Variants in TUT4 observed in about 807,000 individuals in gnomAD.
TUT4 encodes terminal uridylyltransferase 4.
TUT4 carries 36 observed loss-of-function variants against 192.2 expected under a neutral mutation model. That is an observed-to-expected ratio of 0.19 (90% CI 0.14 to 0.25). The LOEUF (loss-of-function observed/expected upper bound fraction) is 0.25, where lower values mean the gene tolerates loss of function less well. Among genes scored for constraint, TUT4 ranks in the 10% least tolerant of loss-of-function variants. TUT4 has a pLI of 1.00. For missense variants in TUT4, 1,493 were observed against 1,957.2 expected (o/e 0.76, Z 4.47); for synonymous variants, 618 against 666.0 (o/e 0.93, Z 1.11).
At chr1:52,457,752 G>A (rs533921473) in intron 20 of TUT4, among the ~76,000 whole-genome samples, 84 of 152,284 alleles carry the variant, frequency 5.5e-4, no homozygotes, top group African/African-American at 2.0e-3. Flanking sequence ...CAATTTCAGA[G>A]AGTATAAATT....
intron 1 of TUT4, among the ~76,000 whole-genome samples, chr1:52,545,842 C>A (rs1687926132): frequency 6.6e-6 from 1 of 151,840 alleles, no homozygotes; most frequent in South Asian, 2.1e-4. Flanking sequence ...TAATAATAGG[C>A]CAGGCGCGAT....
rs749698793 is a variant in TUT4 at position 52,446,348 on chromosome 1, T to C, written c.3608A>G (p.Lys1203Arg). 2.5e-6 allele frequency: 4 copies of C among 1,613,996 alleles called. No individual in the cohort carries two copies. In the Admixed American group the frequency reaches 6.7e-5, roughly 27 times the overall value. Reference protein sequence around the residue: ...LRFYTEEFDFKEYVISIRQKK... With the variant: ...LRFYTEEFDFREYVISIRQKK... ...CTGCCGAATGCTAATTACATATTCC[T>C]TGAAATCAAACTCTTCAGTATAGAA... Residue 1203 changes from lysine to arginine, a missense_variant, in exon 22 of 30, where the codon AAG (lysine) becomes AGG (arginine). Physicochemically the swap from Lys to Arg is conservative, Grantham distance 26 (BLOSUM62 2). Around this residue, in one of 7 missense-constraint regions of TUT4, gnomAD observed 141 missense variants for 382.7 expected, o/e 0.37. Transcript: ENST00000257177.
At chr1:52,521,701 C>T (rs1252553208) in intron 2 of TUT4, among the ~76,000 whole-genome samples, 1 of 151,664 alleles carries the variant, frequency 6.6e-6, no homozygotes, top group Non-Finnish European at 1.5e-5. Context: ...CACAGTGGCT[C>T]ACGCCTGTAA....
rs114101502 is a variant in TUT4, at chr1:52,459,928, G to C, written c.3321+1206C>G. On this transcript the variant is annotated intron_variant, in intron 19 of 29. Transcript: ENST00000257177. ...AAAAATTAAAAAAATATAGGGGAGG[G>C]GGGAGAGGAGAGGGAGGAGGAATGA... 7.5e-3 allele frequency among the ~76,000 whole-genome samples: 1,136 copies of C among 151,910 alleles called. 21 individuals carry two copies. The highest frequency in any genetic ancestry group is 0.025 in the African/African-American group (1,054 of 41,410).
At position 52,490,745 on chromosome 1, in the gene TUT4, T is replaced by C; in HGVS notation, c.1375A>G (p.Arg459Gly). 6.2e-7 allele frequency: 1 copy of C among 1,612,604 alleles called. No individual in the cohort carries two copies. The highest frequency in any genetic ancestry group is 8.5e-7 in the Non-Finnish European group (1 of 1,179,494). Residue 459 changes from arginine (R) to glycine (G), a missense_variant, in exon 8 of 30, where the codon AGA becomes GGA. This residue lies in a region of TUT4 where 437 missense variants were observed against 577.6 expected (regional missense o/e 0.76). Transcript: ENST00000257177. ...FHAKVPVVVC[R>G]DRKSGLLCRV... ...ATTGTTACCAACCTTTTTCGATCTC[T>C]GCACACCACAACAGGAACTTTAGCG... is the stretch of plus-strand genomic sequence containing the variant.
chr1:52,445,912 G>A, intron 23 of TUT4, 43 bp from the exon 24 acceptor site: 1 of 1,598,846 alleles, frequency 6.3e-7, no homozygotes, highest in African/African-American at 1.3e-5. Flanking sequence ...AGACATTAAT[G>A]TGTCAGAGTT....
intron 1 of TUT4, among the ~76,000 whole-genome samples, chr1:52,539,510 G>C (rs1571451921): frequency 6.6e-6 from 1 of 152,256 alleles, no homozygotes; most frequent in East Asian, 1.9e-4. Flanking sequence ...AACAGGTATG[G>C]GGGGGAAAGC....
At chr1:52,486,411 T>C (rs1033441783) in intron 9 of TUT4, among the ~76,000 whole-genome samples, 1 of 152,096 alleles carries the variant, frequency 6.6e-6, no homozygotes. Flanking sequence ...CTATAACTAC[T>C]TAAGACAGCC....
At chr1:52,470,424 C>G (rs1314103870) in intron 14 of TUT4, among the ~76,000 whole-genome samples, 1 of 151,990 alleles carries the variant, frequency 6.6e-6, no homozygotes, top group Non-Finnish European at 1.5e-5. Flanking sequence ...CCCAGCCATT[C>G]TAAGTATTTA....
chr1:52,468,514 G>T, intron 14 of TUT4: 1 of 395,752 alleles, frequency 2.5e-6, no homozygotes, highest in Non-Finnish European at 4.5e-6. Context: ...TAATTTTTAA[G>T]ATATATGTAC....
At chr1:52,487,876 A>G (rs540454920) in intron 9 of TUT4, among the ~76,000 whole-genome samples, 14 of 152,362 alleles carry the variant, frequency 9.2e-5, no homozygotes, top group African/African-American at 2.6e-4. Context: ...TGAATACATA[A>G]AACATTAAAA....
intron 5 of TUT4, among the ~76,000 whole-genome samples, chr1:52,496,737 T>C (rs549524770): frequency 6.6e-6 from 1 of 152,186 alleles, no homozygotes; most frequent in Non-Finnish European, 1.5e-5. Flanking sequence ...ATCAGTGATA[T>C]TGAAAAACTA....
At chr1:52,528,196 TA>T (rs764158420) in intron 1 of TUT4, among the ~76,000 whole-genome samples, 1 of 147,556 alleles carries the variant, frequency 6.8e-6, no homozygotes, top group Non-Finnish European at 1.5e-5. Flanking sequence ...ATAATAATAA[TA>T]ATAATAATAA....
At position 52,461,832 on chromosome 1, in the gene TUT4, T is replaced by C. The variant is rs1041428739; in HGVS notation, c.3070-63A>G. On this transcript the variant is annotated intron_variant, in intron 16 of 29. Coordinates refer to ENST00000257177, the MANE Select transcript of TUT4 (RefSeq NM_001009881.3). ...TCACCTTGTGCAAATTCTACTTTAA[T>C]CTAAGCATTTAATAGTAGCATTTAC... 4.1e-6 allele frequency: 4 copies of C among 965,878 alleles called. No individual in the cohort carries two copies. In the African/African-American group the frequency reaches 6.7e-5, roughly 16 times the overall value. The allele number at this position is 965,878 out of a possible 1,614,324, so 59.8% of individuals were successfully genotyped here. A position where few individuals can be genotyped will look rare whatever the true frequency, so the allele number is the denominator to read the frequency against.
At chr1:52,470,369 T>C (rs1430010909) in intron 14 of TUT4, among the ~76,000 whole-genome samples, 2 of 151,996 alleles carry the variant, frequency 1.3e-5, no homozygotes, top group Non-Finnish European at 2.9e-5. Context: ...TAAAAATAAA[T>C]GTAAATTGTA....
chr1:52,481,694 G>A (rs1482157632), intron 10 of TUT4, 59 bp from the exon 11 acceptor site: 14 of 1,401,208 alleles, frequency 1.0e-5, no homozygotes, highest in Non-Finnish European at 8.8e-6. Context: ...AAAAAAAAAA[G>A]ATGGACAAAC....
intron 12 of TUT4, 126 bp downstream of exon 12, chr1:52,477,581 AT>A: frequency 3.1e-6 from 3 of 978,528 alleles, no homozygotes; most frequent in Non-Finnish European, 2.9e-6. Context: ...AAAATTAAAA[AT>A]AAAGAATGAC....
chr1:52,500,013 T>G (rs993549095), intron 4 of TUT4, among the ~76,000 whole-genome samples: 1 of 151,372 alleles, frequency 6.6e-6, no homozygotes, highest in Non-Finnish European at 1.5e-5. Context: ...TCCCAGCTAC[T>G]TGGGAGGCTG....
intron 15 of TUT4, 27 bp downstream of exon 15, chr1:52,468,154 C>T (rs747556385): frequency 3.9e-6 from 6 of 1,537,672 alleles, no homozygotes; most frequent in Non-Finnish European, 4.4e-6. Context: ...AGCAAAAACG[C>T]AATAAATTTT....
Sources: gnomAD v4.1 joint callset for allele counts (sites outside exome capture counted in the v4.1 genomes callset) on GRCh38, gnomAD v4.1.1 for gene constraint, gnomAD v4.1.1 regional missense constraint, MANE v1.5 for transcripts, NCBI Gene and HGNC (gene_info 2026-07-23, HGNC 2026-07-21) for gene names.